The following PRKCB variants were observed in gnomAD, a reference collection of about 807,000 sequenced individuals.
PRKCB encodes protein kinase C beta type.
A neutral mutation model predicts 81.5 loss-of-function variants in PRKCB; 13 were observed. That is an observed-to-expected ratio of 0.16 (90% CI 0.10 to 0.25). The LOEUF is 0.25. Among genes scored for constraint, PRKCB ranks in the 10% least tolerant of loss-of-function variants. The pLI is 1.00. For synonymous variants in PRKCB, 335 were observed against 321.4 expected, an observed-to-expected ratio of 1.04 and a Z score of -0.45; for missense variants, 509 against 875.7, an observed-to-expected ratio of 0.58 and a Z score of 5.29.
At chr16:24,191,810 G>T (rs1306133545) in intron 16 of PRKCB, among the ~76,000 whole-genome samples, 3 of 152,216 alleles carry the variant, frequency 2.0e-5, no homozygotes, top group Non-Finnish European at 4.4e-5. Flanking sequence ...TGTGGAGATG[G>T]CTTTGACATA....
chr16:24,136,096 G>GGTTTTTTTTTTTTT (rs1555498951), intron 9 of PRKCB, among the ~76,000 whole-genome samples: 1 of 118,082 alleles, frequency 8.5e-6, no homozygotes, highest in African/African-American at 3.8e-5. Context: ...ATTGCAGCGT[G>GGTTTTTTTTTTTTT]TTTTTTTTTT....
chr16:23,841,649 C>CTTTTTTTTTTTT (rs59288831), intron 2 of PRKCB, among the ~76,000 whole-genome samples: 1 of 59,046 alleles, frequency 1.7e-5, no homozygotes, highest in Non-Finnish European at 2.9e-5. Context: ...CACCACGGCC[C>CTTTTTTTTTTTT]TTTTTTTTTT....
intron 2 of PRKCB, chr16:23,892,816 C>G (rs890181506): frequency 6.6e-6 from 1 of 152,152 alleles, no homozygotes; most frequent in Non-Finnish European, 1.5e-5. Context: ...TGAAGTTTGA[C>G]ATAAAGTTAG....
chr16:24,092,871 C>G lies in PRKCB; in HGVS notation c.610C>G (p.Pro204Ala). ...CGTAAAACTGAAACTGATTCCCGAT[C>G]CCAAAAGTGAGAGCAAACAGAAGAC... is the stretch of plus-strand genomic sequence containing the variant. ...PYVKLKLIPDPKSESKQKTKT... is the reference protein window; with the variant it reads ...PYVKLKLIPDAKSESKQKTKT... The change falls in exon 6 of 17, where the codon CCC becomes GCC. Residue 204 changes from proline (P) to alanine (A), a missense_variant. Physicochemically the swap from Pro to Ala is conservative, Grantham distance 27. Coordinates refer to ENST00000643927, the MANE Select transcript of PRKCB (RefSeq NM_002738.7). The G allele has an allele frequency of 6.2e-7, 1 of 1,614,102 alleles. No homozygotes were observed. The highest frequency in any genetic ancestry group is 8.5e-7 in the Non-Finnish European group (1 of 1,180,026).
In PRKCB at chr16:24,124,639, T is replaced by C. The variant is rs767127335; in HGVS notation, c.1065+658T>C. 8.4e-4 allele frequency among the ~76,000 whole-genome samples: 128 copies of C among 152,204 alleles called. 4 individuals are homozygous for C. Among genetic ancestry groups the C allele is most frequent in the Non-Finnish European group, 2.2e-4 (15 of 68,032 alleles). ...TAGATACTGCGAGATGCTGTTTTAC[T>C]GAAGTTGAGATTGTGTTATAAGTAT... On this transcript the variant is annotated intron_variant, in intron 9 of 16. Transcript: ENST00000643927.
Position 24,214,664 on chromosome 16 carries a change from C to T in PRKCB, c.1870C>T (p.Arg624Ter), listed in dbSNP as rs1968195357. 2 of 1,613,910 alleles carry T rather than the reference C, an allele frequency of 1.2e-6. No individual in the cohort carries two copies. Among genetic ancestry groups the T allele is most frequent in the Non-Finnish European group, 1.7e-6 (2 of 1,179,900 alleles). Residue 624 changes from arginine (R) to a stop codon, truncating the protein, a stop_gained, in exon 17 of 17, where the codon CGA (arginine) becomes TGA (stop). Transcript: ENST00000643927. LOFTEE classifies it high-confidence loss of function. ...QPPYKPKACG[R>*]NAENFDRFFT... ...TTTTCTTCCCCTCTCATAGTGTGGGCGAAATGCTGAAAACTTCGACCGATT... is the reference window on the plus strand; with the variant it reads ...TTTTCTTCCCCTCTCATAGTGTGGGTGAAATGCTGAAAACTTCGACCGATT...
At position 23,866,775 on chromosome 16, in the gene PRKCB, CACTG is replaced by C. The variant is rs1257467363; in HGVS notation, c.205+29370_205+29373del. Among the ~76,000 whole-genome samples the C allele has an allele frequency of 5.9e-5, 9 of 152,292 alleles. No homozygotes were observed. The East Asian group carries it at 1.7e-3, about 29-fold the overall frequency. ...CAAATGTTCTCCAGAATAGCTGGAC[CACTG>C]TATACTCCCACCAGCAGTGTGTGTT... On this transcript the variant is annotated intron_variant, in intron 2 of 16. Transcript: ENST00000643927.
intron 15 of PRKCB, among the ~76,000 whole-genome samples, chr16:24,186,052 T>G (rs1246379491): frequency 2.0e-5 from 3 of 152,238 alleles, no homozygotes; most frequent in Admixed American, 6.5e-5. Context: ...TGAAATTCAA[T>G]GTACTCAAAA....
chr16:23,846,727 T>G (rs1689315914), intron 2 of PRKCB, among the ~76,000 whole-genome samples: 1 of 152,004 alleles, frequency 6.6e-6, no homozygotes, highest in African/African-American at 2.4e-5. Flanking sequence ...CTGAGCTTGA[T>G]TCTGTACTGG....
intron 5 of PRKCB, among the ~76,000 whole-genome samples, chr16:24,089,533 C>G (rs937448458): frequency 2.0e-5 from 3 of 152,154 alleles, no homozygotes; most frequent in Non-Finnish European, 4.4e-5. Context: ...CTTTGGGAGA[C>G]CAAGGCTAGA....
chr16:23,836,308 A>G lies in PRKCB; in HGVS notation c.133A>G (p.Lys45Glu). Residue 45 changes from lysine (K) to glutamate (E), a missense_variant, in exon 1 of 17, where the codon AAG becomes GAG. Around this residue, in one of 6 missense-constraint regions of PRKCB, gnomAD observed 184 missense variants for 362.9 expected, o/e 0.51. Coordinates refer to ENST00000643927, the MANE Select transcript of PRKCB (RefSeq NM_002738.7). ...CCACAAATTCACCGCCCGCTTCTTC[A>G]AGCAGCCCACCTTCTGCAGCCACTG... ...KNHKFTARFF[K>E]QPTFCSHCTD... is the part of the protein sequence containing the mutation. 1 of 1,605,068 alleles carries G rather than the reference A, an allele frequency of 6.2e-7. No homozygotes were observed. Among genetic ancestry groups the G allele is most frequent in the Non-Finnish European group, 8.5e-7 (1 of 1,176,140 alleles).
intron 3 of PRKCB, among the ~76,000 whole-genome samples, chr16:24,022,370 A>G (rs1356535592): frequency 6.6e-6 from 1 of 152,156 alleles, no homozygotes; most frequent in African/African-American, 2.4e-5. Context: ...GGAAAACTAG[A>G]AAGTTTATTA....
intron 2 of PRKCB, among the ~76,000 whole-genome samples, chr16:23,838,116 AT>A (rs756958551): frequency 1.3e-5 from 2 of 152,288 alleles, no homozygotes; most frequent in African/African-American, 2.4e-5. Flanking sequence ...TTTGGGGCTC[AT>A]GTCTAAAAGA....
chr16:24,081,169 T>A (rs993179334), intron 5 of PRKCB, among the ~76,000 whole-genome samples: 4 of 152,002 alleles, frequency 2.6e-5, no homozygotes, highest in Non-Finnish European at 5.9e-5. Flanking sequence ...AAAATCTTCA[T>A]AGAAATATTA....
chr16:23,858,535 T>C (rs1290048062), intron 2 of PRKCB, among the ~76,000 whole-genome samples: 1 of 64,064 alleles, frequency 1.6e-5, no homozygotes, highest in Non-Finnish European at 2.9e-5. Context: ...AATACTTCCA[T>C]CAAACTGTTT....
intron 2 of PRKCB, among the ~76,000 whole-genome samples, chr16:23,978,947 G>A (rs908543608): frequency 6.6e-6 from 1 of 152,334 alleles, no homozygotes; most frequent in Middle Eastern, 3.4e-3. Flanking sequence ...GCAGATTTAG[G>A]CAATAGCAGT....
intron 15 of PRKCB, among the ~76,000 whole-genome samples, chr16:24,189,463 C>G (rs1156325014): frequency 6.6e-6 from 1 of 151,760 alleles, no homozygotes; most frequent in Non-Finnish European, 1.5e-5. Flanking sequence ...ATGGTGAAAC[C>G]CCGTCTCTAC....
intron 5 of PRKCB, among the ~76,000 whole-genome samples, chr16:24,052,456 A>G (rs1254738037): frequency 6.6e-6 from 1 of 152,220 alleles, no homozygotes; most frequent in Non-Finnish European, 1.5e-5. Context: ...GGAATAAAGC[A>G]TGGCTACTCC....
rs533963114 is a variant in PRKCB at position 23,911,957 on chromosome 16, G to A, written c.205+74551G>A. ...GGTGATTCTCCTGCCTCAGCCTCCC[G>A]AGTAGCTGGGATTTCAGGTGCGCAC... On this transcript the variant is annotated intron_variant, in intron 2 of 16. Coordinates refer to ENST00000643927, the MANE Select transcript of PRKCB (RefSeq NM_002738.7). Among the ~76,000 whole-genome samples, 5 of 150,354 alleles carry A rather than the reference G, an allele frequency of 3.3e-5. No individual in the cohort carries two copies. In the South Asian group the frequency reaches 8.5e-4, roughly 25 times the overall value.
Sources: allele counts gnomAD v4.1 joint callset (sites outside exome capture counted in the v4.1 genomes callset), GRCh38; gene constraint gnomAD v4.1.1; regional missense constraint gnomAD v4.1.1; transcripts MANE v1.5; gene names NCBI Gene and HGNC (gene_info 2026-07-23, HGNC 2026-07-21).